Variants in BBS9 observed in about 807,000 individuals in gnomAD.
The protein encoded by BBS9 is protein PTHB1.
Under a neutral mutation model 117.7 loss-of-function variants are expected in BBS9, and 89 were observed. The observed-to-expected ratio is 0.76, with a 90% CI of 0.64 to 0.90. The LOEUF is 0.90. Ranked by LOEUF, BBS9 falls within the 40% of genes least tolerant of loss-of-function variation. BBS9 has a pLI of 0.00. For synonymous variants in BBS9, 379 were observed against 370.9 expected (o/e 1.02, Z -0.25); for missense variants, 982 against 1,042.2 (o/e 0.94, Z 0.80).
intron 19 of BBS9, among the ~76,000 whole-genome samples, chr7:33,420,248 A>G (rs1386079330): frequency 1.3e-5 from 2 of 152,166 alleles, no homozygotes; most frequent in Non-Finnish European, 2.9e-5. Context: ...AATGGGGATG[A>G]TATTCCATTG....
intron 9 of BBS9, among the ~76,000 whole-genome samples, chr7:33,305,764 A>G (rs920761215): frequency 1.3e-5 from 2 of 151,494 alleles, no homozygotes; most frequent in African/African-American, 4.9e-5. Context: ...CCCTTTTTAT[A>G]TCTTATTTTA....
At chr7:33,446,022 G>T (rs1370216193) in intron 19 of BBS9, among the ~76,000 whole-genome samples, 1 of 152,126 alleles carries the variant, frequency 6.6e-6, no homozygotes, top group Non-Finnish European at 1.5e-5. Flanking sequence ...GATATTAATA[G>T]ATTTTTGAAG....
chr7:33,163,134 T>G (rs1371911163), intron 4 of BBS9, among the ~76,000 whole-genome samples: 3 of 152,226 alleles, frequency 2.0e-5, no homozygotes, highest in African/African-American at 7.2e-5. Flanking sequence ...ATTATGTTTA[T>G]TGATTTGCAT....
intron 9 of BBS9, among the ~76,000 whole-genome samples, chr7:33,331,215 A>G (rs758376319): frequency 6.6e-6 from 1 of 152,206 alleles, no homozygotes; most frequent in Non-Finnish European, 1.5e-5. Flanking sequence ...TATAAAATCC[A>G]GCATGGCTTT....
intron 19 of BBS9, among the ~76,000 whole-genome samples, chr7:33,414,280 T>C (rs1378803348): frequency 6.6e-6 from 1 of 152,180 alleles, no homozygotes; most frequent in African/African-American, 2.4e-5. Context: ...TGATTGACTT[T>C]TGATTAGATT....
intron 19 of BBS9, among the ~76,000 whole-genome samples, chr7:33,463,932 CTGT>C (rs1177258395): frequency 1.3e-5 from 2 of 152,086 alleles, no homozygotes; most frequent in East Asian, 3.9e-4. Flanking sequence ...TATCCATTGC[CTGT>C]TGTTCAGTGA....
intron 10 of BBS9, among the ~76,000 whole-genome samples, chr7:33,340,237 A>T (rs150591222): frequency 6.6e-4 from 101 of 152,196 alleles, no homozygotes; most frequent in African/African-American, 2.3e-3. Context: ...ATTCATGTTT[A>T]TGTAATTGTT....
chr7:33,380,057 C>T (rs1315807176), intron 17 of BBS9: 1 of 154,436 alleles, frequency 6.5e-6, no homozygotes, highest in Non-Finnish European at 1.4e-5. Context: ...GTTCCTAGTG[C>T]AGGAGCAGCT....
At chr7:33,231,428 C>CTTTTTTTTTTTTTT (rs35407590) in intron 5 of BBS9, among the ~76,000 whole-genome samples, 2 of 106,374 alleles carry the variant, frequency 1.9e-5, no homozygotes, top group Admixed American at 9.5e-5. Context: ...GCCTATGTGT[C>CTTTTTTTTTTTTTT]TTTTTTTTTT....
At chr7:33,478,847 G>A (rs1180826242) in intron 19 of BBS9, among the ~76,000 whole-genome samples, 1 of 149,150 alleles carries the variant, frequency 6.7e-6, no homozygotes, top group Non-Finnish European at 1.5e-5. Context: ...TCCCAAATAG[G>A]CAGGAGAAGT....
chr7:33,621,718 G>C (rs991310409), intron 21 of BBS9, among the ~76,000 whole-genome samples: 1 of 152,130 alleles, frequency 6.6e-6, no homozygotes, highest in African/African-American at 2.4e-5. Context: ...AGAGATACCT[G>C]TATTCCCATG....
chr7:33,614,228 G>T (rs920377586), intron 21 of BBS9, among the ~76,000 whole-genome samples: 3 of 152,010 alleles, frequency 2.0e-5, no homozygotes, highest in Non-Finnish European at 4.4e-5. Flanking sequence ...ACAAGAAAGT[G>T]AAAACTTGAA....
intron 19 of BBS9, among the ~76,000 whole-genome samples, chr7:33,435,571 T>C (rs182428583): frequency 8.1e-5 from 12 of 148,092 alleles, no homozygotes; most frequent in Non-Finnish European, 1.6e-4. Context: ...CCTTCAAAAA[T>C]GTTTTTGTCT....
chr7:33,338,394 G>A (rs1286676653), intron 10 of BBS9, among the ~76,000 whole-genome samples: 2 of 152,060 alleles, frequency 1.3e-5, no homozygotes, highest in African/African-American at 4.8e-5. Context: ...TTTATTATGA[G>A]AAGTTAAAAT....
Position 33,249,797 on chromosome 7 carries a change from T to C in BBS9, c.443-7439T>C, listed in dbSNP as rs138438321. Among the ~76,000 whole-genome samples the C allele has an allele frequency of 3.1e-3, 472 of 152,352 alleles. 4 individuals are homozygous for C. Among genetic ancestry groups the C allele is most frequent in the African/African-American group, 0.011 (443 of 41,592 alleles). ...GTCATCTTTTCAATTTGTGCTTTTA[T>C]GTTTCATGCTCTGTTGGTGAAACAT... On this transcript the variant is annotated intron_variant, in intron 5 of 22. Coordinates refer to ENST00000242067, the MANE Select transcript of BBS9 (RefSeq NM_198428.3).
At chr7:33,630,773 G>A (rs540932694) in intron 21 of BBS9, among the ~76,000 whole-genome samples, 1 of 150,950 alleles carries the variant, frequency 6.6e-6, no homozygotes, top group South Asian at 2.1e-4. Context: ...GCACTCCTCT[G>A]GATGCAGAGG....
intron 21 of BBS9, among the ~76,000 whole-genome samples, chr7:33,590,459 G>GTTTTTTTTTT (rs71554107): frequency 3.0e-5 from 3 of 101,506 alleles, no homozygotes; most frequent in Admixed American, 2.1e-4. Context: ...TTGTTTTTTT[G>GTTTTTTTTTT]TTTTTTTTTT....
chr7:33,417,141 G>A (rs912721895), intron 19 of BBS9, among the ~76,000 whole-genome samples: 14 of 152,144 alleles, frequency 9.2e-5, no homozygotes, highest in Non-Finnish European at 7.4e-5. Flanking sequence ...CTACAAAGTT[G>A]TTTTAAACTT....
At chr7:33,568,678 C>T (rs896938256) in intron 21 of BBS9, among the ~76,000 whole-genome samples, 2 of 152,148 alleles carry the variant, frequency 1.3e-5, no homozygotes, top group African/African-American at 4.8e-5. Flanking sequence ...CAGAATTTCT[C>T]TTCTAACTTC....
Sources: allele counts gnomAD v4.1 joint callset (sites outside exome capture counted in the v4.1 genomes callset), GRCh38; gene constraint gnomAD v4.1.1; transcripts MANE v1.5; gene names NCBI Gene and HGNC (gene_info 2026-07-23, HGNC 2026-07-21).